The following DSP variants were observed in gnomAD, a reference collection of about 807,000 sequenced individuals.
DSP encodes the protein desmoplakin.
Under a neutral mutation model 290.6 loss-of-function variants are expected in DSP, and 114 were observed. The observed-to-expected ratio is 0.39, with a 90% CI of 0.34 to 0.46. DSP has a LOEUF of 0.46. Ranked by LOEUF, DSP falls within the 20% of genes least tolerant of loss-of-function variation. DSP has a pLI of 0.99. For synonymous variants in DSP, 1,311 were observed against 1,316.4 expected (o/e 1.00, Z 0.09); for missense variants, 3,230 against 3,495.8 (o/e 0.92, Z 1.92).
rs1259613160 is a variant in DSP, at chr6:7,580,979, G to T, written c.4789G>T (p.Glu1597Ter). 1.9e-6 allele frequency: 3 copies of T among 1,613,982 alleles called. No homozygotes were observed. The highest frequency in any genetic ancestry group is 1.7e-5 in the Admixed American group (1 of 60,004). The change falls in exon 23 of 24, where the codon GAG (glutamate) becomes TAG (stop). Residue 1597 changes from glutamate (E) to a stop codon, truncating the protein, a stop_gained. Transcript: ENST00000379802. LOFTEE classifies it high-confidence loss of function. This position sits in a 1 kb window ranked among gnomAD's most constrained non-coding sequence, Gnocchi z 4.2. ...DSCKRKKLEEELEGMRRSLKE... is the reference protein window; with the variant it reads ...DSCKRKKLEE Reference sequence around the variant, plus strand: ...CTGCAAGAGGAAGAAGCTGGAGGAAGAGCTGGAAGGCATGAGGAGGTCGCT... The same window carrying T: ...CTGCAAGAGGAAGAAGCTGGAGGAATAGCTGGAAGGCATGAGGAGGTCGCT...
At chr6:7,561,688 G>A (rs893782501) in intron 4 of DSP, among the ~76,000 whole-genome samples, 4 of 152,234 alleles carry the variant, frequency 2.6e-5, no homozygotes, top group African/African-American at 7.2e-5. Flanking sequence ...AAGGGTCAAA[G>A]TCCCGGGTAA....
intron 8 of DSP, among the ~76,000 whole-genome samples, chr6:7,566,908 C>T (rs906523089): frequency 6.6e-6 from 1 of 152,218 alleles, no homozygotes; most frequent in Non-Finnish European, 1.5e-5. Context: ...GGCCATACTG[C>T]TTGTTAAAAA....
At chr6:7,563,848 A>T (rs1189158760) in intron 6 of DSP, 62 bp downstream of exon 6, 8 of 1,467,896 alleles carry the variant, frequency 5.4e-6, no homozygotes, top group Non-Finnish European at 6.7e-6. Context: ...ATTCAGTTCA[A>T]GAAATATCAA....
chr6:7,571,365 C>G lies in DSP; in HGVS notation c.1702-18C>G. On this transcript the variant is annotated intron_variant, in intron 13 of 23. Coordinates refer to ENST00000379802, the MANE Select transcript of DSP (RefSeq NM_004415.4). ...GGCAGTCATAAATCCCAAATCACTT[C>G]TGCCTGTCTCCTTTCAGCTGAAAAC... The G allele has an allele frequency of 1.9e-6, 3 of 1,614,120 alleles. No homozygotes were observed. The highest frequency in any genetic ancestry group is 2.5e-6 in the Non-Finnish European group (3 of 1,180,000).
At chr6:7,554,127 C>CACACACACACACACACA (rs1171658955) in intron 1 of DSP, among the ~76,000 whole-genome samples, 29 of 23,964 alleles carry the variant, frequency 1.2e-3, no homozygotes, top group African/African-American at 2.8e-3. Context: ...ACACACACAC[C>CACACACACACACACACA]CAGTTGGTTA....
rs2113702324 is a variant in DSP, at chr6:7,584,705, G to A, written c.7443G>A (p.Glu2481=). 2 of 1,614,150 alleles carry A rather than the reference G, an allele frequency of 1.2e-6. No homozygotes were observed. Among genetic ancestry groups the A allele is most frequent in the Non-Finnish European group, 1.7e-6 (2 of 1,180,036 alleles). ...PETNKEMSVQ[E]AYKKGLIDYE... ...CCAATAAAGAAATGTCTGTTCAGGA[G>A]GCCTACAAGAAGGGCCTAATTGATT... The change falls in exon 24 of 24, where the codon GAG becomes GAA. Residue 2481 remains glutamate (E), a synonymous_variant. Coordinates refer to ENST00000379802, the MANE Select transcript of DSP (RefSeq NM_004415.4). The surrounding 1 kb of genome is among the most constrained non-coding windows in gnomAD (Gnocchi z 6.4).
At chr6:7,553,316 T>C (rs1485997539) in intron 1 of DSP, among the ~76,000 whole-genome samples, 1 of 152,194 alleles carries the variant, frequency 6.6e-6, no homozygotes, top group Non-Finnish European at 1.5e-5. Context: ...TATTAAATCA[T>C]TTAGGAAACT....
In DSP at chr6:7,585,733, G is replaced by C. The variant is rs1466762038; in HGVS notation, c.8471G>C (p.Gly2824Ala). ...CCTTACAACATGTCTTCGGCTCCGG[G>C]GTCCCGCTCCGGCTCCCGCTCGGGA... ...PSPYNMSSAP[G>A]SRSGSRSGSR... Residue 2824 changes from glycine to alanine, a missense_variant, in exon 24 of 24, where the codon GGG (glycine) becomes GCG (alanine). Transcript: ENST00000379802. The C allele has an allele frequency of 1.9e-6, 3 of 1,610,930 alleles. No individual in the cohort carries two copies. The African/African-American group carries it at 4.0e-5, about 22-fold the overall frequency.
In DSP at chr6:7,570,539, G is replaced by A. The variant is rs143356115; in HGVS notation, c.1677G>A (p.Lys559=). Residue 559 remains lysine, a synonymous_variant, in exon 13 of 24, where the codon AAG becomes AAA. Coordinates refer to ENST00000379802, the MANE Select transcript of DSP (RefSeq NM_004415.4). Reference sequence around the variant, plus strand: ...ACTACTGCATGATTGACATAGAGAAGATCAGGGCCATGACAATCGCCAAGG... The same window carrying A: ...ACTACTGCATGATTGACATAGAGAAAATCAGGGCCATGACAATCGCCAAGG... ...SWHYCMIDIE[K]IRAMTIAKLK... The A allele has an allele frequency of 3.5e-5, 56 of 1,613,560 alleles. No homozygotes were observed. Among genetic ancestry groups the A allele is most frequent in the Non-Finnish European group, 4.5e-5 (53 of 1,180,046 alleles).
rs1759555427 is a variant in DSP, at chr6:7,584,278, A to G, written c.7016A>G (p.Tyr2339Cys). Residue 2339 changes from tyrosine (Y) to cysteine (C), a missense_variant, in exon 24 of 24, where the codon TAT (tyrosine) becomes TGT (cysteine). Physicochemically the swap from Tyr to Cys is radical, Grantham distance 194. Transcript: ENST00000379802. The surrounding 1 kb of genome is among the most constrained non-coding windows in gnomAD (Gnocchi z 6.4). ...LLSAERAVTGYNDPETGNIIS... is the reference protein window; with the variant it reads ...LLSAERAVTGCNDPETGNIIS... ...TCTGCAGAACGAGCTGTCACTGGGTATAATGATCCTGAAACAGGAAACATC... is the reference window on the plus strand; with the variant it reads ...TCTGCAGAACGAGCTGTCACTGGGTGTAATGATCCTGAAACAGGAAACATC... 6.2e-7 allele frequency: 1 copy of G among 1,614,226 alleles called. No homozygotes were observed. The highest frequency in any genetic ancestry group is 8.5e-7 in the Non-Finnish European group (1 of 1,180,038).
intron 1 of DSP, among the ~76,000 whole-genome samples, chr6:7,547,637 A>G (rs1758205534): frequency 6.7e-6 from 1 of 149,922 alleles, no homozygotes; most frequent in Non-Finnish European, 1.5e-5. Flanking sequence ...AGGTCTCGCT[A>G]TCTTGCCCAG....
rs767785995 is a variant in DSP at position 7,568,499 on chromosome 6, G to A, written c.1329G>A (p.Lys443=). The change falls in exon 11 of 24, where the codon AAG becomes AAA. Residue 443 remains lysine (K), a synonymous_variant. Transcript: ENST00000379802. The part of the protein sequence containing the change: ...RQVQNLVNKS[K]KIVQLKPRNP... ...TGCAGAACTTGGTAAACAAGTCTAA[G>A]AAGATTGTACAGCTGAAGCCTCGTA... 1.2e-6 allele frequency: 2 copies of A among 1,614,130 alleles called. No homozygotes were observed. The highest frequency in any genetic ancestry group is 1.1e-5 in the South Asian group (1 of 91,084).
In DSP at chr6:7,579,930, G is replaced by A. The variant is rs867067755; in HGVS notation, c.3740G>A (p.Arg1247Gln). The A allele has an allele frequency of 5.0e-6, 8 of 1,613,986 alleles. No homozygotes were observed. Among genetic ancestry groups the A allele is most frequent in the East Asian group, 2.2e-5 (1 of 44,890 alleles). ...CTTGATAGACTTTCAAGGGAAAATC[G>A]AGATCTGAAGGATGAAATTGTCAGG... ...NQLDRLSREN[R>Q]DLKDEIVRLN... Residue 1247 changes from arginine (R) to glutamine (Q), a missense_variant, in exon 23 of 24, where the codon CGA (arginine) becomes CAA (glutamine). This residue lies in a region of DSP where 1,714 missense variants were observed against 1,844.5 expected (regional missense o/e 0.93). Transcript: ENST00000379802. This position sits in a 1 kb window ranked among gnomAD's most constrained non-coding sequence, Gnocchi z 4.1.
chr6:7,574,339 A>C, intron 16 of DSP, 87 bp downstream of exon 16: 1 of 1,360,896 alleles, frequency 7.3e-7, no homozygotes, highest in Admixed American at 1.7e-5. Flanking sequence ...CTTGCCTTAC[A>C]GTTTCTCTGT....
At position 7,542,083 on chromosome 6, in the gene DSP, C is replaced by T; in HGVS notation, c.168C>T (p.Tyr56=). The T allele has an allele frequency of 6.4e-7, 1 of 1,559,502 alleles. No homozygotes were observed. Among genetic ancestry groups the T allele is most frequent in the Non-Finnish European group, 8.7e-7 (1 of 1,151,936 alleles). ...TCACCGACCAGAACTCGGACGGCTACTGGTGGGTACCTGCCCGGAGAGCGC... is the reference window on the plus strand; with the variant it reads ...TCACCGACCAGAACTCGGACGGCTATTGGTGGGTACCTGCCCGGAGAGCGC... The part of the protein sequence containing the change: ...GVITDQNSDG[Y]CQTGTMSRHQ... Residue 56 remains tyrosine, a splice_region_variant and synonymous_variant, in exon 1 of 24, where the codon TAC becomes TAT. Coordinates refer to ENST00000379802, the MANE Select transcript of DSP (RefSeq NM_004415.4).
chr6:7,549,394 C>T (rs1011887498), intron 1 of DSP, among the ~76,000 whole-genome samples: 8 of 152,232 alleles, frequency 5.3e-5, no homozygotes, highest in Admixed American at 5.2e-4. Context: ...GGTGATCCTC[C>T]CGCCTCAGCC....
At chr6:7,567,206 C>G in intron 8 of DSP, 148 bp from the exon 9 acceptor site, 2 of 732,814 alleles carry the variant, frequency 2.7e-6, no homozygotes, top group Non-Finnish European at 4.8e-6. Flanking sequence ...GTGAGAAATT[C>G]TCTTTCCAAC....
At position 7,541,996 on chromosome 6, in the gene DSP, C is replaced by A. The variant is rs773559423; in HGVS notation, c.81C>A (p.Arg27=). The A allele has an allele frequency of 3.0e-5, 48 of 1,599,432 alleles. No individual in the cohort carries two copies. The Middle Eastern group carries it at 6.6e-4, about 22-fold the overall frequency. The stretch of plus-strand genomic sequence containing the variant: ...GCGCCGAGTCTGGCCCGGACCTGCG[C>A]TACGAGGTGACCAGCGGCGGCGGGG... The part of the protein sequence containing the change: ...MIRAESGPDL[R]YEVTSGGGGT... The change falls in exon 1 of 24, where the codon CGC becomes CGA. Residue 27 remains arginine (R), a synonymous_variant. Coordinates refer to ENST00000379802, the MANE Select transcript of DSP (RefSeq NM_004415.4).
In DSP at chr6:7,583,846, A is replaced by G. The variant is rs144923278; in HGVS notation, c.6584A>G (p.His2195Arg). The G allele has an allele frequency of 6.2e-7, 1 of 1,614,184 alleles. No individual in the cohort carries two copies. Among genetic ancestry groups the G allele is most frequent in the Non-Finnish European group, 8.5e-7 (1 of 1,180,034 alleles). ...AAGGAACGGTGCAGAATCGAACCAC[A>G]TACTGGTCTGCTCTTGCTTTCAGTA... is the stretch of plus-strand genomic sequence containing the variant. ...QLKERCRIEP[H>R]TGLLLLSVQK... The change falls in exon 24 of 24, where the codon CAT becomes CGT. Residue 2195 changes from histidine to arginine, a missense_variant. Coordinates refer to ENST00000379802, the MANE Select transcript of DSP (RefSeq NM_004415.4). The surrounding 1 kb of genome is among the most constrained non-coding windows in gnomAD (Gnocchi z 4.0).
Sources: allele counts gnomAD v4.1 joint callset (sites outside exome capture counted in the v4.1 genomes callset), GRCh38; gene constraint gnomAD v4.1.1; regional missense constraint gnomAD v4.1.1; non-coding constraint Gnocchi (gnomAD v3.1); transcripts MANE v1.5; gene names NCBI Gene and HGNC (gene_info 2026-07-23, HGNC 2026-07-21).